The following GGA2 variants were observed in gnomAD, a reference collection of about 807,000 sequenced individuals.
GGA2 encodes golgi associated, gamma adaptin ear containing, ARF binding protein 2.
A neutral mutation model predicts 79.5 loss-of-function variants in GGA2; 48 were observed. That is an observed-to-expected ratio of 0.60 (90% CI 0.48 to 0.77). The LOEUF (loss-of-function observed/expected upper bound fraction) is 0.77. GGA2 is among the 30% of genes least tolerant of loss of function. The pLI is 0.00. For missense variants in GGA2, 770 were observed against 774.0 expected (o/e 0.99, Z 0.06); for synonymous variants, 317 against 302.0 (o/e 1.05, Z -0.51).
chr16:23,485,093 C>T (rs1377928486), intron 8 of GGA2, among the ~76,000 whole-genome samples: 1 of 152,224 alleles, frequency 6.6e-6, no homozygotes, highest in Non-Finnish European at 1.5e-5. Context: ...CAGATGGATG[C>T]ACCTGCAAAC....
intron 1 of GGA2, among the ~76,000 whole-genome samples, chr16:23,505,386 G>A (rs1386033838): frequency 6.6e-6 from 1 of 152,092 alleles, no homozygotes; most frequent in Non-Finnish European, 1.5e-5. Context: ...TCTACCAACA[G>A]GGACCCGGTT....
Position 23,475,012 on chromosome 16 carries a change from T to C in GGA2, c.1342A>G (p.Lys448Glu), listed in dbSNP as rs1479538546. ...TCCCAGGACCAACCTGGAGAGGACT[T>C]AGTACCTGGTGGCACTTCCTTGGGG... ...SVPKEVPPGT[K>E]SSPGWSWEAG... The change falls in exon 14 of 17, where the codon AAG becomes GAG. Residue 448 changes from lysine (K) to glutamate (E), a missense_variant. Lys to Glu is a moderately conservative substitution (Grantham distance 56). Transcript: ENST00000309859. The C allele has an allele frequency of 6.2e-7, 1 of 1,606,756 alleles. No homozygotes were observed. The highest frequency in any genetic ancestry group is 8.5e-7 in the Non-Finnish European group (1 of 1,176,446).
At chr16:23,493,256 G>A (rs1236829939) in intron 4 of GGA2, 104 bp downstream of exon 4, 1 of 740,626 alleles carries the variant, frequency 1.4e-6, no homozygotes, top group Non-Finnish European at 2.5e-6. Context: ...GCAGGAGCAG[G>A]TTTTGTCCAT....
chr16:23,521,466 C>T (rs1446507756), intron 1 of GGA2, among the ~76,000 whole-genome samples: 4 of 151,782 alleles, frequency 2.6e-5, no homozygotes, highest in South Asian at 2.1e-4. Context: ...GTAGTGCATT[C>T]ATAGCTCACT....
At chr16:23,469,111 C>G in intron 15 of GGA2, 115 bp from the exon 16 acceptor site, 1 of 656,070 alleles carries the variant, frequency 1.5e-6, no homozygotes, top group Non-Finnish European at 2.8e-6. Context: ...AAATGGCCCT[C>G]TTAAACGTGG....
chr16:23,486,085 T>C lies in GGA2; in HGVS notation c.728A>G (p.Lys243Arg), dbSNP rs751100341. 1 of 1,614,034 alleles carries C rather than the reference T, an allele frequency of 6.2e-7. No homozygotes were observed. The highest frequency in any genetic ancestry group is 8.5e-7 in the Non-Finnish European group (1 of 1,179,872). ...SAVEEVRSHVKVLQEMLSMYR... is the reference protein window; with the variant it reads ...SAVEEVRSHVRVLQEMLSMYR... Reference sequence around the variant, plus strand: ...CATGCTCAGCATCTCCTGCAGCACCTTCACATGGCTTCGCACTTCCTCCAC... The same window carrying C: ...CATGCTCAGCATCTCCTGCAGCACCCTCACATGGCTTCGCACTTCCTCCAC... Residue 243 changes from lysine to arginine, a missense_variant, in exon 8 of 17, where the codon AAG (lysine) becomes AGG (arginine). By Grantham distance (26) the Lys-to-Arg change is conservative (BLOSUM62 2). Transcript: ENST00000309859.
rs1964474555 is a variant in GGA2 at position 23,468,877 on chromosome 16, G to A, written c.1731+9C>T. 1.3e-6 allele frequency: 2 copies of A among 1,547,582 alleles called. No individual in the cohort carries two copies. Among genetic ancestry groups the A allele is most frequent in the Non-Finnish European group, 1.8e-6 (2 of 1,119,390 alleles). On this transcript the variant is annotated intron_variant, in intron 16 of 16. Coordinates refer to ENST00000309859, the MANE Select transcript of GGA2 (RefSeq NM_015044.4). ...CCATCTCCCTGCTACCACAGACACT[G>A]GAACATACTTTGTGTGGATTGTCAA...
rs529505418 is a variant in GGA2, at chr16:23,507,660, T to G, written c.91+2661A>C. 1.9e-4 allele frequency among the ~76,000 whole-genome samples: 28 copies of G among 147,436 alleles called. No homozygotes were observed. In the East Asian group the frequency reaches 3.6e-3, roughly 19 times the overall value. Reference sequence around the variant, plus strand: ...CTCTCACACACACAAATTAGCCGGTTGTGGTGGCGTGTGCCCGTAATCCCA... The same window carrying G: ...CTCTCACACACACAAATTAGCCGGTGGTGGTGGCGTGTGCCCGTAATCCCA... On this transcript the variant is annotated intron_variant, in intron 1 of 16. Coordinates refer to ENST00000309859, the MANE Select transcript of GGA2 (RefSeq NM_015044.4).
At chr16:23,484,349 CAGA>C (rs1964686153) in intron 8 of GGA2, among the ~76,000 whole-genome samples, 1 of 152,014 alleles carries the variant, frequency 6.6e-6, no homozygotes, top group Admixed American at 6.6e-5. Flanking sequence ...ACCCGGGAGG[CAGA>C]AGTCGTGCGG....
chr16:23,493,325 C>G (rs199739748), intron 4 of GGA2, 35 bp downstream of exon 4: 1 of 1,242,130 alleles, frequency 8.1e-7, no homozygotes. Flanking sequence ...GGCGTAGGTG[C>G]GACACAGTCA....
intron 10 of GGA2, 45 bp downstream of exon 10, chr16:23,480,600 G>T: frequency 6.5e-7 from 1 of 1,549,788 alleles, no homozygotes; most frequent in Non-Finnish European, 8.8e-7. Flanking sequence ...GGGAATTACA[G>T]GCTGCCCCAA....
Position 23,464,026 on chromosome 16 carries a change from G to C in GGA2, c.*3564C>G, listed in dbSNP as rs988318219. 1 of 152,002 alleles carries C rather than the reference G, an allele frequency of 6.6e-6. No individual in the cohort carries two copies. The highest frequency in any genetic ancestry group is 1.5e-5 in the Non-Finnish European group (1 of 68,022). 9.4% of individuals were successfully genotyped at this position (152,002 alleles called of 1,614,324 possible). A position where few individuals can be genotyped will look rare whatever the true frequency, so the allele number is the denominator to read the frequency against. ...CGCTGGGTAAGCATCTTCTATAATG[G>C]GTATATTTAAAGGATTTGGGATTAA... On this transcript the variant is annotated 3_prime_UTR_variant, in exon 17 of 17. Transcript: ENST00000309859.
intron 1 of GGA2, chr16:23,519,642 G>T: frequency 2.4e-6 from 1 of 416,192 alleles, no homozygotes; most frequent in Admixed American, 2.7e-5. Flanking sequence ...AAGGCAGCCT[G>T]CAGAGGGAAA....
At chr16:23,494,475 C>T (rs992490637) in intron 2 of GGA2, 97 bp from the exon 3 acceptor site, 3 of 850,248 alleles carry the variant, frequency 3.5e-6, no homozygotes, top group Non-Finnish European at 6.1e-6. Context: ...CTTCCAGGGG[C>T]TGGTGTCCAA....
intron 2 of GGA2, among the ~76,000 whole-genome samples, chr16:23,494,879 C>T (rs745714094): frequency 5.3e-4 from 80 of 152,070 alleles, no homozygotes; most frequent in Non-Finnish European, 1.0e-3. Context: ...GTCAGGAGTT[C>T]GAGACCAGCC....
At chr16:23,484,816 T>C (rs1461034963) in intron 8 of GGA2, among the ~76,000 whole-genome samples, 1 of 152,206 alleles carries the variant, frequency 6.6e-6, no homozygotes, top group Non-Finnish European at 1.5e-5. Context: ...TTCCTCAAAA[T>C]GTTAAATATG....
intron 15 of GGA2, chr16:23,469,342 T>C (rs1179758939): frequency 1.3e-5 from 3 of 230,876 alleles, no homozygotes; most frequent in Non-Finnish European, 2.7e-5. Flanking sequence ...TTTCTGAGCC[T>C]TGGGTTAACT....
chr16:23,482,359 A>T (rs556798256), intron 9 of GGA2, among the ~76,000 whole-genome samples: 8 of 152,348 alleles, frequency 5.3e-5, no homozygotes, highest in South Asian at 4.1e-4. Context: ...AAGTAAGATT[A>T]AAAAAATCAG....
At position 23,482,957 on chromosome 16, in the gene GGA2, C is replaced by A; in HGVS notation, c.846G>T (p.Leu282Phe). 1 of 1,612,778 alleles carries A rather than the reference C, an allele frequency of 6.2e-7. No homozygotes were observed. The highest frequency in any genetic ancestry group is 8.5e-7 in the Non-Finnish European group (1 of 1,178,770). Residue 282 changes from leucine to phenylalanine, a missense_variant, in exon 9 of 17, where the codon TTG becomes TTT. Leu to Phe is a conservative substitution (Grantham distance 22). Transcript: ENST00000309859. ...CEKLRPTLFRLASDTTDDDDA... is the reference protein window; with the variant it reads ...CEKLRPTLFRFASDTTDDDDA... The stretch of plus-strand genomic sequence containing the variant: ...CATCGTCATCAGTGGTGTCACTCGC[C>A]AACCGGAACAGCGTGGGCCGCAGCT...
Sources: allele counts gnomAD v4.1 joint callset (sites outside exome capture counted in the v4.1 genomes callset), GRCh38; gene constraint gnomAD v4.1.1; transcripts MANE v1.5; gene names NCBI Gene and HGNC (gene_info 2026-07-23, HGNC 2026-07-21).